The following SPAG16 variants were observed in gnomAD, a reference collection of about 807,000 sequenced individuals.
The protein encoded by SPAG16 is sperm associated antigen 16.
SPAG16 carries 86 observed loss-of-function variants against 80.4 expected under a neutral mutation model. The observed-to-expected ratio is 1.07, with a 90% CI of 0.90 to 1.28. The LOEUF is 1.28. Ranked by LOEUF, SPAG16 falls within the 50% of genes most tolerant of loss-of-function variation. The pLI, the probability that SPAG16 is intolerant of heterozygous loss-of-function variation, is 0.00. For missense variants in SPAG16, 870 were observed against 765.3 expected, an observed-to-expected ratio of 1.14 and a Z score of -1.61; for synonymous variants, 294 against 265.9, an observed-to-expected ratio of 1.11 and a Z score of -1.03.
intron 15 of SPAG16, among the ~76,000 whole-genome samples, chr2:214,278,142 C>T (rs1692617357): frequency 6.6e-6 from 1 of 152,196 alleles, no homozygotes; most frequent in Non-Finnish European, 1.5e-5. Flanking sequence ...ATGTAATCCC[C>T]TGGTGTGCTG....
intron 10 of SPAG16, among the ~76,000 whole-genome samples, chr2:213,774,959 G>A (rs2069481698): frequency 6.6e-6 from 1 of 152,122 alleles, no homozygotes; most frequent in South Asian, 2.1e-4. Flanking sequence ...TCTTCAGCAG[G>A]CCCAGTGTAC....
At position 213,531,552 on chromosome 2, in the gene SPAG16, C is replaced by G. The variant is rs574626054; in HGVS notation, c.1070+41462C>G. On this transcript the variant is annotated intron_variant, in intron 10 of 15. Transcript: ENST00000331683. ...CTGCACCAATCCTATCCTCCTGCCC[C>G]CATCCCCAGTTTTCCAGGCTTTTGC... 5.9e-5 allele frequency among the ~76,000 whole-genome samples: 9 copies of G among 152,118 alleles called. 1 individual carries two copies. The South Asian group carries it at 1.9e-3, about 32-fold the overall frequency.
intron 10 of SPAG16, among the ~76,000 whole-genome samples, chr2:213,660,483 C>T (rs1208982669): frequency 6.6e-6 from 1 of 152,054 alleles, no homozygotes; most frequent in Non-Finnish European, 1.5e-5. Context: ...TCAGGGCTTG[C>T]ATGTCTGACA....
At chr2:213,316,985 G>A (rs1022069016) in intron 4 of SPAG16, among the ~76,000 whole-genome samples, 2 of 151,964 alleles carry the variant, frequency 1.3e-5, no homozygotes, top group Non-Finnish European at 2.9e-5. Flanking sequence ...ACCAGTGCCT[G>A]GAACATAGGA....
At chr2:213,391,139 G>A (rs572759874) in intron 9 of SPAG16, among the ~76,000 whole-genome samples, 4 of 152,036 alleles carry the variant, frequency 2.6e-5, no homozygotes, top group Non-Finnish European at 5.9e-5. Context: ...ATGGTGGCAC[G>A]TGCCTGTAAT....
At chr2:213,803,312 G>A (rs1033011095) in intron 10 of SPAG16, among the ~76,000 whole-genome samples, 2 of 152,154 alleles carry the variant, frequency 1.3e-5, no homozygotes, top group Non-Finnish European at 2.9e-5. Flanking sequence ...CTACTAAAAT[G>A]TAATGAGAGA....
At chr2:214,345,486 A>G (rs571026338) in intron 15 of SPAG16, among the ~76,000 whole-genome samples, 1 of 152,048 alleles carries the variant, frequency 6.6e-6, no homozygotes, top group African/African-American at 2.4e-5. Context: ...TTTTCTTCTA[A>G]AACAATTTTT....
At chr2:213,575,101 A>G (rs1230404638) in intron 10 of SPAG16, among the ~76,000 whole-genome samples, 1 of 152,124 alleles carries the variant, frequency 6.6e-6, no homozygotes, top group Non-Finnish European at 1.5e-5. Flanking sequence ...TTATTCATCA[A>G]CACAATGCTA....
chr2:214,129,543 A>C (rs1224586483), intron 14 of SPAG16, among the ~76,000 whole-genome samples: 1 of 152,134 alleles, frequency 6.6e-6, no homozygotes, highest in East Asian at 1.9e-4. Flanking sequence ...ATTTCACCAG[A>C]AGATATGCAA....
intron 13 of SPAG16, among the ~76,000 whole-genome samples, chr2:214,097,800 T>TGCAATCTGCATATTGTGA (rs577509311): frequency 4.5e-4 from 69 of 152,208 alleles, no homozygotes; most frequent in African/African-American, 1.6e-3. Flanking sequence ...TCATAGAGCT[T>TGCAATCTGCATATTGTGA]GCAATCTGCA....
In SPAG16 at chr2:214,149,930, A is replaced by G. The variant is rs182678133; in HGVS notation, c.1720+664A>G. ...TTTATAAGGTTAAAAATACAGTTGC[A>G]TCTGCATCTTTAATGATAGAGTTTA... On this transcript the variant is annotated intron_variant, in intron 15 of 15. Coordinates refer to ENST00000331683, the MANE Select transcript of SPAG16 (RefSeq NM_024532.5). Among the ~76,000 whole-genome samples the G allele has an allele frequency of 1.7e-4, 26 of 152,212 alleles. 1 individual carries two copies. In the East Asian group the frequency reaches 4.6e-3, roughly 27 times the overall value.
At chr2:213,827,367 T>A (rs1340562392) in intron 10 of SPAG16, among the ~76,000 whole-genome samples, 1 of 152,092 alleles carries the variant, frequency 6.6e-6, no homozygotes, top group East Asian at 1.9e-4. Flanking sequence ...GAGGTTACCA[T>A]GAGGCTTGAA....
intron 15 of SPAG16, among the ~76,000 whole-genome samples, chr2:214,321,463 C>G (rs1696089193): frequency 6.6e-6 from 1 of 152,140 alleles, no homozygotes; most frequent in African/African-American, 2.4e-5. Context: ...ACAGTTCTGC[C>G]CAGGAACACA....
rs149406685 is a variant in SPAG16, at chr2:213,591,849, T to G, written c.1070+101759T>G. On this transcript the variant is annotated intron_variant, in intron 10 of 15. Coordinates refer to ENST00000331683, the MANE Select transcript of SPAG16 (RefSeq NM_024532.5). Reference sequence around the variant, plus strand: ...ATCAGACAACACCTGTGGGATGGGGTATGGTGGAGGATGAGGAACCCGATT... The same window carrying G: ...ATCAGACAACACCTGTGGGATGGGGGATGGTGGAGGATGAGGAACCCGATT... Among the ~76,000 whole-genome samples, 228 of 151,944 alleles carry G rather than the reference T, an allele frequency of 1.5e-3. 3 individuals are homozygous for G. The highest frequency in any genetic ancestry group is 4.4e-3 in the African/African-American group (184 of 41,444).
intron 10 of SPAG16, among the ~76,000 whole-genome samples, chr2:213,706,877 C>T (rs1343462261): frequency 6.6e-6 from 1 of 152,204 alleles, no homozygotes; most frequent in Non-Finnish European, 1.5e-5. Context: ...GAATCTGCTT[C>T]TAGTCATTAA....
At chr2:213,470,174 A>G (rs1365540258) in intron 9 of SPAG16, among the ~76,000 whole-genome samples, 1 of 152,204 alleles carries the variant, frequency 6.6e-6, no homozygotes, top group African/African-American at 2.4e-5. Context: ...GCGAAGTATT[A>G]TCACCTAGTT....
rs945132252 is a variant in SPAG16, at chr2:214,324,913, C to T, written c.1721-85227C>T. ...ATGCTCAAAGGCATGTCATTTGTGA[C>T]ATACAGTTGCACACAGAATGTCAAA... On this transcript the variant is annotated intron_variant, in intron 15 of 15. Transcript: ENST00000331683. 3.3e-5 allele frequency among the ~76,000 whole-genome samples: 5 copies of T among 152,318 alleles called. No individual in the cohort carries two copies. The East Asian group carries it at 9.6e-4, about 29-fold the overall frequency.
chr2:214,017,644 G>A (rs1341172424), intron 13 of SPAG16, among the ~76,000 whole-genome samples: 2 of 152,094 alleles, frequency 1.3e-5, no homozygotes. Context: ...GAGGTTCTGA[G>A]CTCTTTCTGT....
intron 13 of SPAG16, among the ~76,000 whole-genome samples, chr2:214,053,155 A>G (rs538556034): frequency 1.3e-5 from 2 of 152,320 alleles, no homozygotes; most frequent in South Asian, 2.1e-4. Context: ...CAATTCGAGC[A>G]TGGAAAGGGT....
Sources: gnomAD v4.1 joint callset for allele counts (sites outside exome capture counted in the v4.1 genomes callset) on GRCh38, gnomAD v4.1.1 for gene constraint, MANE v1.5 for transcripts, NCBI Gene and HGNC (gene_info 2026-07-23, HGNC 2026-07-21) for gene names.